Variants in CPED1 observed in about 807,000 individuals in gnomAD.
The protein encoded by CPED1 is cadherin like and PC-esterase domain containing 1, also known as cadherin-like and PC-esterase domain-containing protein 1.
Under a neutral mutation model 128.2 loss-of-function variants are expected in CPED1, and 114 were observed. The observed-to-expected ratio is 0.89, with a 90% CI of 0.76 to 1.04. The LOEUF (loss-of-function observed/expected upper bound fraction) is 1.04. Among genes scored for constraint, CPED1 ranks in the 50% least tolerant of loss-of-function variants. The probability of loss-of-function intolerance (pLI) is 0.00; values close to 1 mark genes in which losing one functional copy is unlikely to be tolerated. For missense variants in CPED1, 1,211 were observed against 1,207.1 expected (o/e 1.00, Z -0.05); for synonymous variants, 462 against 426.7 (o/e 1.08, Z -1.02).
At chr7:121,231,676 A>T (rs1436689020) in intron 16 of CPED1, among the ~76,000 whole-genome samples, 1 of 152,136 alleles carries the variant, frequency 6.6e-6, no homozygotes, top group Non-Finnish European at 1.5e-5. Context: ...AAGTAAAATA[A>T]AAAAAGGAAG....
intron 3 of CPED1, among the ~76,000 whole-genome samples, chr7:121,016,150 G>T (rs1792296403): frequency 6.6e-6 from 1 of 152,006 alleles, no homozygotes; most frequent in Non-Finnish European, 1.5e-5. Flanking sequence ...TACATGTTCT[G>T]CCCCGCACCC....
At chr7:121,218,658 A>G (rs1797813254) in intron 16 of CPED1, among the ~76,000 whole-genome samples, 1 of 152,018 alleles carries the variant, frequency 6.6e-6, no homozygotes, top group Admixed American at 6.6e-5. Context: ...TTGAACAATG[A>G]GAACACATGG....
chr7:121,277,015 T>A (rs1046092833), intron 22 of CPED1, among the ~76,000 whole-genome samples: 10 of 152,112 alleles, frequency 6.6e-5, no homozygotes, highest in African/African-American at 1.9e-4. Context: ...GAGATTTTTT[T>A]TTTCTAGAAG....
At chr7:121,114,448 C>T (rs1389173888) in intron 7 of CPED1, among the ~76,000 whole-genome samples, 7 of 152,074 alleles carry the variant, frequency 4.6e-5, no homozygotes, top group Admixed American at 4.6e-4. Context: ...ACTGTAAGTG[C>T]AAAAAGAGAC....
At chr7:121,225,926 G>T (rs948552512) in intron 16 of CPED1, among the ~76,000 whole-genome samples, 1 of 151,950 alleles carries the variant, frequency 6.6e-6, no homozygotes, top group Non-Finnish European at 1.5e-5. Flanking sequence ...GTTTGAACAT[G>T]CTCCTTTAGC....
At chr7:121,270,111 A>G (rs1261352959) in intron 21 of CPED1, among the ~76,000 whole-genome samples, 1 of 152,006 alleles carries the variant, frequency 6.6e-6, no homozygotes, top group Non-Finnish European at 1.5e-5. Context: ...CACCCCTATG[A>G]CCCAAACACC....
intron 22 of CPED1, 63 bp from the exon 23 acceptor site, chr7:121,295,373 GAGTT>G (rs1315410915): frequency 6.6e-6 from 10 of 1,519,292 alleles, no homozygotes; most frequent in Non-Finnish European, 8.8e-6. Flanking sequence ...TCAAGTTTGA[GAGTT>G]AGTTATGCAG....
At chr7:121,092,677 T>C (rs767060929) in intron 5 of CPED1, among the ~76,000 whole-genome samples, 4 of 152,186 alleles carry the variant, frequency 2.6e-5, no homozygotes, top group Non-Finnish European at 5.9e-5. Flanking sequence ...TTGATGCTCC[T>C]CAAATAGTAG....
At chr7:121,025,713 A>G (rs1792561333) in intron 3 of CPED1, among the ~76,000 whole-genome samples, 1 of 152,208 alleles carries the variant, frequency 6.6e-6, no homozygotes, top group South Asian at 2.1e-4. Flanking sequence ...GACATTCTCC[A>G]AGATATTTAT....
chr7:121,274,319 T>C (rs17508690), intron 22 of CPED1, among the ~76,000 whole-genome samples: 23,563 of 152,128 alleles, frequency 0.15, 2,242 homozygotes, highest in Admixed American at 0.21. Flanking sequence ...TGATTAAAAT[T>C]ATCATTAACT....
At chr7:121,051,194 C>G in intron 4 of CPED1, 1 of 510,716 alleles carries the variant, frequency 2.0e-6, no homozygotes, top group Middle Eastern at 3.2e-4. Flanking sequence ...GAGAAAGAAA[C>G]CAAGTCTGAT....
rs1187712495 is a variant in CPED1, at chr7:121,225,380, A to G, written c.2056-11334A>G. ...ATGGGCTTCCTTCCCTTTGTGGGTA[A>G]CCTGACCTTTCTCTCTGGCTGCCCT... On this transcript the variant is annotated intron_variant, in intron 16 of 22. Coordinates refer to ENST00000310396, the MANE Select transcript of CPED1 (RefSeq NM_024913.5). Among the ~76,000 whole-genome samples, 8 of 152,252 alleles carry G rather than the reference A, an allele frequency of 5.3e-5. No homozygotes were observed. The East Asian group carries it at 1.2e-3, about 22-fold the overall frequency.
In CPED1 at chr7:121,124,485, A is replaced by G; in HGVS notation, c.1061+12A>G. 4 of 1,435,624 alleles carry G rather than the reference A, an allele frequency of 2.8e-6. No homozygotes were observed. The highest frequency in any genetic ancestry group is 3.7e-6 in the Non-Finnish European group (4 of 1,081,920). 88.9% of individuals were successfully genotyped at this position (1,435,624 alleles called of 1,614,324 possible). On this transcript the variant is annotated intron_variant, in intron 8 of 22. Transcript: ENST00000310396. ...AAGACCTTCCATAGGTAAAAAACAA[A>G]TTTTAATTTAAAAAAAAAAGAAAAG...
chr7:121,000,617 C>T (rs975908824), intron 2 of CPED1, among the ~76,000 whole-genome samples: 5 of 152,102 alleles, frequency 3.3e-5, no homozygotes, highest in Admixed American at 1.3e-4. Context: ...TCAGTAGGAA[C>T]CCCTACCGTT....
chr7:120,991,582 A>T (rs1796309636), intron 2 of CPED1, among the ~76,000 whole-genome samples: 1 of 151,866 alleles, frequency 6.6e-6, no homozygotes, highest in South Asian at 2.1e-4. Context: ...CAGCTTTCTT[A>T]CTCCCCTTGT....
chr7:121,161,548 C>T (rs1175602615), intron 16 of CPED1, among the ~76,000 whole-genome samples: 1 of 152,156 alleles, frequency 6.6e-6, no homozygotes, highest in Non-Finnish European at 1.5e-5. Context: ...ATTACATGTG[C>T]AAAATCTCTC....
chr7:121,005,854 C>G (rs2116778464), intron 2 of CPED1, among the ~76,000 whole-genome samples: 1 of 152,198 alleles, frequency 6.6e-6, no homozygotes, highest in East Asian at 1.9e-4. Flanking sequence ...ACTTTGGATT[C>G]TTACAGTAGC....
At chr7:120,996,556 G>A (rs1442037746) in intron 2 of CPED1, among the ~76,000 whole-genome samples, 1 of 152,142 alleles carries the variant, frequency 6.6e-6, no homozygotes, top group Non-Finnish European at 1.5e-5. Flanking sequence ...TATATTGCCT[G>A]TAGACATGGT....
rs775169293 is a variant in CPED1 at position 121,133,887 on chromosome 7, A to T, written c.1642A>T (p.Lys548Ter). 3.9e-6 allele frequency: 6 copies of T among 1,546,766 alleles called. No homozygotes were observed. Among genetic ancestry groups the T allele is most frequent in the East Asian group, 4.5e-5 (2 of 44,048 alleles). The change falls in exon 13 of 23, where the codon AAA (lysine) becomes TAA (stop). Residue 548 changes from lysine to a stop codon, truncating the protein, a stop_gained. Coordinates refer to ENST00000310396, the MANE Select transcript of CPED1 (RefSeq NM_024913.5). LOFTEE classifies it high-confidence loss of function. Reference protein sequence around the residue: ...PQVPFDAIENKKAAVPQIKNE... With the variant: ...PQVPFDAIEN Reference sequence around the variant, plus strand: ...AGTGCCATTTGATGCAATAGAAAATAAAAAAGGTAAAAATATAGATATTCC... The same window carrying T: ...AGTGCCATTTGATGCAATAGAAAATTAAAAAGGTAAAAATATAGATATTCC...
Sources: allele counts gnomAD v4.1 joint callset (sites outside exome capture counted in the v4.1 genomes callset), GRCh38; gene constraint gnomAD v4.1.1; transcripts MANE v1.5; gene names NCBI Gene and HGNC (gene_info 2026-07-23, HGNC 2026-07-21).